Variants in EPB41L3 observed in about 807,000 individuals in gnomAD.
EPB41L3 encodes band 4.1-like protein 3.
Under a neutral mutation model 127.1 loss-of-function variants are expected in EPB41L3, and 57 were observed. The observed-to-expected ratio is 0.45, with a 90% CI of 0.36 to 0.56. The LOEUF is 0.56. EPB41L3 is among the 20% of genes least tolerant of loss of function. EPB41L3 has a pLI of 0.00. For synonymous variants in EPB41L3, 572 were observed against 549.5 expected, an observed-to-expected ratio of 1.04 and a Z score of -0.57; for missense variants, 1,273 against 1,372.2, an observed-to-expected ratio of 0.93 and a Z score of 1.14.
At chr18:5,575,696 G>A (rs1040131925) in intron 3 of EPB41L3, among the ~76,000 whole-genome samples, 10 of 152,114 alleles carry the variant, frequency 6.6e-5, no homozygotes, top group Non-Finnish European at 1.0e-4. Context: ...AAGTAGCCAG[G>A]CGTGGTGGTG....
At chr18:5,459,038 C>T (rs972295046) in intron 3 of EPB41L3, among the ~76,000 whole-genome samples, 1 of 152,148 alleles carries the variant, frequency 6.6e-6, no homozygotes, top group Non-Finnish European at 1.5e-5. Context: ...CCATGAACCA[C>T]ATCCTTGCAG....
At chr18:5,401,618 C>T (rs889130117) in intron 16 of EPB41L3, among the ~76,000 whole-genome samples, 1 of 151,956 alleles carries the variant, frequency 6.6e-6, no homozygotes, top group African/African-American at 2.4e-5. Flanking sequence ...TACTCAATGG[C>T]TTTATTTGAA....
At chr18:5,461,553 A>G (rs756697756) in intron 3 of EPB41L3, among the ~76,000 whole-genome samples, 2 of 152,208 alleles carry the variant, frequency 1.3e-5, no homozygotes, top group Non-Finnish European at 2.9e-5. Context: ...AGAAACCTGC[A>G]CCAATCAAAG....
At chr18:5,549,267 C>T (rs1045150424), upstream of EPB41L3, among the ~76,000 whole-genome samples, 7 of 152,256 alleles carry the variant, frequency 4.6e-5, no homozygotes, top group African/African-American at 1.7e-4. Context: ...TTGCAGATTT[C>T]AACAGTGAGG....
At chr18:5,585,444 C>T (rs2094433907) in intron 3 of EPB41L3, among the ~76,000 whole-genome samples, 1 of 152,118 alleles carries the variant, frequency 6.6e-6, no homozygotes, top group South Asian at 2.1e-4. Context: ...GCTGAGACTA[C>T]AGGCATGCAC....
At chr18:5,452,543 A>T (rs1205447754) in intron 3 of EPB41L3, among the ~76,000 whole-genome samples, 1 of 152,130 alleles carries the variant, frequency 6.6e-6, no homozygotes, top group African/African-American at 2.4e-5. Context: ...TCTTATAAAA[A>T]TTCTTCTGTA....
chr18:5,407,106 C>A, intron 15 of EPB41L3, 138 bp from the exon 16 acceptor site: 1 of 677,694 alleles, frequency 1.5e-6, no homozygotes. Context: ...GCTCATGGCA[C>A]TACCACAAAC....
At chr18:5,583,497 T>C (rs1436035093) in intron 3 of EPB41L3, among the ~76,000 whole-genome samples, 2 of 152,196 alleles carry the variant, frequency 1.3e-5, no homozygotes, top group Non-Finnish European at 2.9e-5. Flanking sequence ...TCCTTTTTCT[T>C]TTCAGAACAT....
chr18:5,469,707 A>C (rs575081608), intron 3 of EPB41L3, among the ~76,000 whole-genome samples: 2 of 152,258 alleles, frequency 1.3e-5, no homozygotes, highest in South Asian at 4.1e-4. Context: ...GACACTACTA[A>C]AACACAAGTC....
At chr18:5,565,829 G>C (rs1379212692) in intron 3 of EPB41L3, among the ~76,000 whole-genome samples, 1 of 151,804 alleles carries the variant, frequency 6.6e-6, no homozygotes, top group Non-Finnish European at 1.5e-5. Context: ...TGGCTGCATA[G>C]TGTTCCATGG....
chr18:5,407,570 C>T, intron 15 of EPB41L3, 131 bp downstream of exon 15: 1 of 880,906 alleles, frequency 1.1e-6, no homozygotes, highest in South Asian at 1.7e-5. Flanking sequence ...TGCCAACCTA[C>T]ACACTGCACC....
At chr18:5,519,354 C>T (rs2092892476) in intron 1 of EPB41L3, among the ~76,000 whole-genome samples, 1 of 152,188 alleles carries the variant, frequency 6.6e-6, no homozygotes, top group Non-Finnish European at 1.5e-5. Flanking sequence ...AGTGCTGTCC[C>T]TCTACACATC....
chr18:5,458,306 G>A (rs1260581767), intron 3 of EPB41L3, among the ~76,000 whole-genome samples: 16 of 152,060 alleles, frequency 1.1e-4, no homozygotes, highest in Non-Finnish European at 7.4e-5. Flanking sequence ...TTAACTTCCC[G>A]ATAAACTTCT....
intron 6 of EPB41L3, among the ~76,000 whole-genome samples, chr18:5,435,449 T>G (rs79897372): frequency 1.3e-5 from 2 of 152,232 alleles, no homozygotes; most frequent in Non-Finnish European, 2.9e-5. Context: ...ATTATATTTT[T>G]ATTGTACGTT....
intron 1 of EPB41L3, among the ~76,000 whole-genome samples, chr18:5,530,008 C>T (rs1345230419): frequency 1.3e-5 from 2 of 151,856 alleles, no homozygotes; most frequent in African/African-American, 4.8e-5. Flanking sequence ...CCTCACCTCC[C>T]ACCATACCCA....
intron 7 of EPB41L3, 54 bp from the exon 8 acceptor site, chr18:5,433,610 G>A: frequency 1.4e-6 from 2 of 1,473,684 alleles, no homozygotes; most frequent in Non-Finnish European, 1.9e-6. Context: ...CTGGTAGGCT[G>A]CAATATTTCC....
intron 1 of EPB41L3, among the ~76,000 whole-genome samples, chr18:5,510,559 G>A (rs750693257): frequency 7.2e-5 from 11 of 152,238 alleles, no homozygotes; most frequent in Non-Finnish European, 4.4e-5. Context: ...GTGAAGGTCA[G>A]TGGGGTATGT....
chr18:5,598,541 C>T (rs1415582796), intron 3 of EPB41L3, among the ~76,000 whole-genome samples: 3 of 152,072 alleles, frequency 2.0e-5, no homozygotes, highest in Non-Finnish European at 4.4e-5. Context: ...GTATAATCTA[C>T]CTAAGCAAAA....
chr18:5,556,682 GT>G (rs2149176010), intron 3 of EPB41L3, among the ~76,000 whole-genome samples: 1 of 152,278 alleles, frequency 6.6e-6, no homozygotes, highest in East Asian at 1.9e-4. Flanking sequence ...TTTTCTGTCT[GT>G]CCATGGACCA....
Sources: gnomAD v4.1 joint callset for allele counts (sites outside exome capture counted in the v4.1 genomes callset) on GRCh38, gnomAD v4.1.1 for gene constraint, MANE v1.5 for transcripts, NCBI Gene and HGNC (gene_info 2026-07-23, HGNC 2026-07-21) for gene names.